The following IL17REL variants were observed in gnomAD, a reference collection of about 807,000 sequenced individuals.
IL17REL encodes the protein interleukin 17 receptor E like, also known as interleukin-17 receptor E-like protein.
Under a neutral mutation model 49.0 loss-of-function variants are expected in IL17REL, and 36 were observed. The ratio of observed to expected loss-of-function variants is 0.73; its 90% CI spans 0.56 to 0.97. IL17REL has a LOEUF of 0.97. IL17REL is among the 50% of genes least tolerant of loss of function. The pLI is 0.00. For missense variants in IL17REL, 470 were observed against 453.9 expected, an observed-to-expected ratio of 1.04 and a Z score of -0.32; for synonymous variants, 206 against 192.4, an observed-to-expected ratio of 1.07 and a Z score of -0.58.
At chr22:49,999,617 G>C in intron 5 of IL17REL, 115 bp from the exon 8 acceptor site, 1 of 721,062 alleles carries the variant, frequency 1.4e-6, no homozygotes, top group Admixed American at 3.0e-5. Flanking sequence ...GTGGGGCCTA[G>C]GCCTGGCCGG....
exon 8 of IL17REL, chr22:49,998,202 A>G: frequency 6.2e-7 from 1 of 1,612,132 alleles, no homozygotes; most frequent in Non-Finnish European, 8.5e-7. Context: ...CCCGGGCGCC[A>G]GCACAGGCTC....
intron 1 of IL17REL, among the ~76,000 whole-genome samples, chr22:50,003,518 T>TA (rs2061090205): frequency 3.1e-5 from 1 of 32,700 alleles, no homozygotes; most frequent in Non-Finnish European, 5.3e-5. Flanking sequence ...AGACTCCATC[T>TA]CAAAAAAAAA....
chr22:50,005,586 C>T (rs1008036103), intron 1 of IL17REL, among the ~76,000 whole-genome samples: 5 of 152,044 alleles, frequency 3.3e-5, no homozygotes, highest in African/African-American at 4.8e-5. Context: ...CGGATCACTT[C>T]GGGTCAGGAG....
chr22:49,996,895 C>T, intron 12 of IL17REL, 35 bp from the exon 15 acceptor site: 1 of 645,500 alleles, frequency 1.5e-6, no homozygotes, highest in East Asian at 2.9e-5. Flanking sequence ...AACATGGCCT[C>T]CTGCTTCCCC....
downstream of IL17REL, among the ~76,000 whole-genome samples, chr22:49,992,725 C>T (rs1018235728): frequency 6.6e-6 from 1 of 152,256 alleles, no homozygotes; most frequent in Non-Finnish European, 1.5e-5. Flanking sequence ...TCAAGCGATT[C>T]TCCTGCCTCA....
At chr22:49,997,349 G>C (rs1203012382) in exon 11 of IL17REL, 2 of 1,613,848 alleles carry the variant, frequency 1.2e-6, no homozygotes, top group Non-Finnish European at 8.5e-7. Context: ...CTGGCCTGGA[G>C]TGTGCGTTGG....
downstream of IL17REL, among the ~76,000 whole-genome samples, chr22:49,993,953 G>A (rs972772699): frequency 1.8e-4 from 27 of 152,120 alleles, no homozygotes; most frequent in African/African-American, 6.3e-4. This position sits in a 1 kb window ranked among gnomAD's most constrained non-coding sequence, Gnocchi z 6.0. Context: ...GGTCTCCAGA[G>A]GAGACATGGA....
In IL17REL at chr22:49,999,227, G is replaced by C. The variant is rs1418516745; in HGVS notation, c.601+64C>G. 2.5e-6 allele frequency: 4 copies of C among 1,573,750 alleles called. No homozygotes were observed. The East Asian group carries it at 8.9e-5, about 35-fold the overall frequency. On this transcript the variant is annotated intron_variant, in intron 7 of 12. Transcript: ENST00000341280. ...CTCATCCCCCCACGTCAGTCCTCAT[G>C]GTGGAGTCAGACTGGCCGCAGCCAT...
intron 1 of IL17REL, among the ~76,000 whole-genome samples, chr22:50,003,519 C>CAAAAAAAAAAAAAAAAAAAAA (rs142337526): frequency 2.6e-5 from 1 of 39,080 alleles, no homozygotes; most frequent in Non-Finnish European, 4.7e-5. Context: ...GACTCCATCT[C>CAAAAAAAAAAAAAAAAAAAAA]AAAAAAAAAA....
chr22:50,000,082 T>A, intron 4 of IL17REL, 114 bp downstream of exon 6: 4 of 1,216,240 alleles, frequency 3.3e-6, no homozygotes, highest in Non-Finnish European at 4.3e-6. Context: ...CGTTTGGGAG[T>A]CGCCCGCCCG....
chr22:49,998,437 C>T (rs2146741688), intron 7 of IL17REL, 128 bp from the exon 10 acceptor site: 1 of 857,702 alleles, frequency 1.2e-6, no homozygotes, highest in Non-Finnish European at 1.8e-6. Context: ...TCTCTGAGCC[C>T]TGGCTCAAGG....
intron 11 of IL17REL, 29 bp from the exon 14 acceptor site, chr22:49,997,103 A>G: frequency 6.4e-7 from 1 of 1,568,748 alleles, no homozygotes; most frequent in Non-Finnish European, 8.6e-7. Context: ...GTCACAGGCA[A>G]TGGGAGGAAG....
chr22:49,995,473 C>T (rs2061029060), exon 13 of IL17REL: 1 of 152,322 alleles, frequency 6.6e-6, no homozygotes, highest in South Asian at 2.1e-4. Context: ...GAACACCCCA[C>T]ACTCTCGGAG....
intron 9 of IL17REL, 122 bp from the exon 12 acceptor site, chr22:49,997,864 T>C (rs2061046727): frequency 2.9e-6 from 4 of 1,363,980 alleles, no homozygotes; most frequent in Admixed American, 1.8e-5. Flanking sequence ...TTCTCCTCCT[T>C]AGGCCCTTAG....
At chr22:49,999,377 C>T in intron 6 of IL17REL, 32 bp from the exon 9 acceptor site, 1 of 1,612,868 alleles carries the variant, frequency 6.2e-7, no homozygotes, top group Non-Finnish European at 8.5e-7. Flanking sequence ...GCGCAGCCCA[C>T]CCATCCCTGT....
upstream of IL17REL, among the ~76,000 whole-genome samples, chr22:50,011,091 C>T (rs1242801875): frequency 6.6e-6 from 1 of 151,826 alleles, no homozygotes; most frequent in Admixed American, 6.5e-5. Flanking sequence ...TCGCAACCAC[C>T]GCCCTGTCCA....
At chr22:49,996,183 C>T (rs1193152560) in exon 13 of IL17REL, 1 of 152,280 alleles carries the variant, frequency 6.6e-6, no homozygotes, top group East Asian at 1.9e-4. Flanking sequence ...CTGGTGCTCC[C>T]TGGAAAGGGT....
chr22:49,998,861 G>A (rs140981313), intron 7 of IL17REL, among the ~76,000 whole-genome samples: 15 of 152,126 alleles, frequency 9.9e-5, no homozygotes, highest in Non-Finnish European at 1.6e-4. Context: ...GTGTATGGGC[G>A]TGTATGTTCA....
intron 1 of IL17REL, among the ~76,000 whole-genome samples, chr22:50,006,556 G>A (rs2146757813): frequency 6.6e-6 from 1 of 152,238 alleles, no homozygotes; most frequent in Non-Finnish European, 1.5e-5. Context: ...GAAAATACAG[G>A]CAGCAGGAAA....
Sources: allele counts gnomAD v4.1 joint callset (sites outside exome capture counted in the v4.1 genomes callset), GRCh38; gene constraint gnomAD v4.1.1; non-coding constraint Gnocchi (gnomAD v3.1); transcripts MANE v1.5; gene names NCBI Gene and HGNC (gene_info 2026-07-23, HGNC 2026-07-21).